FARS2: variants seen among roughly 807,000 people sequenced by gnomAD.
The protein encoded by FARS2 is phenylalanine--tRNA ligase, mitochondrial.
In FARS2, 40 loss-of-function variants were observed where a neutral mutation model predicts 46.4. The ratio of observed to expected loss-of-function variants is 0.86; its 90% CI spans 0.67 to 1.12. The LOEUF (loss-of-function observed/expected upper bound fraction) is 1.12. Ranked by LOEUF, FARS2 falls within the 50% of genes most tolerant of loss-of-function variation. FARS2 has a pLI of 0.00. For synonymous variants in FARS2, 234 were observed against 214.9 expected, an observed-to-expected ratio of 1.09 and a Z score of -0.78; for missense variants, 513 against 567.9, an observed-to-expected ratio of 0.90 and a Z score of 0.98.
At chr6:5,260,919 C>T (rs1296583889), upstream of FARS2, 1 of 1,365,110 alleles carries the variant, frequency 7.3e-7, no homozygotes, top group Non-Finnish European at 9.4e-7. Context: ...AGGCGTCCCG[C>T]GCCGCTTCGG....
chr6:5,631,616 G>A (rs1776297399), intron 6 of FARS2, among the ~76,000 whole-genome samples: 1 of 152,232 alleles, frequency 6.6e-6, no homozygotes, highest in Non-Finnish European at 1.5e-5. Context: ...GACTGGAATT[G>A]TCTGAGATCT....
intron 1 of FARS2, among the ~76,000 whole-genome samples, chr6:5,356,525 T>C (rs565080633): frequency 6.6e-6 from 1 of 152,106 alleles, no homozygotes; most frequent in African/African-American, 2.4e-5. Context: ...TGCTGTATAG[T>C]GTCTCTAAGT....
chr6:5,611,790 G>A (rs1052756856), intron 5 of FARS2, among the ~76,000 whole-genome samples: 14 of 152,136 alleles, frequency 9.2e-5, no homozygotes, highest in Admixed American at 2.6e-4. Context: ...TTGTTGACAC[G>A]TGTTTCATTG....
intron 1 of FARS2, among the ~76,000 whole-genome samples, chr6:5,287,429 T>C (rs1331925390): frequency 6.6e-6 from 1 of 152,160 alleles, no homozygotes; most frequent in Non-Finnish European, 1.5e-5. Context: ...CCGGCCGCAC[T>C]GTTTCCTCTT....
Position 5,447,171 on chromosome 6 carries a change from C to T in FARS2, c.904+15999C>T, listed in dbSNP as rs1244299579. On this transcript the variant is annotated intron_variant, in intron 4 of 6. Coordinates refer to ENST00000274680, the MANE Select transcript of FARS2 (RefSeq NM_006567.5). ...AGTGGAAGAAATGCAAGTTCAAAGA[C>T]AAGGAGAACAGGCGAATTGTCTAGG... Among the ~76,000 whole-genome samples the T allele has an allele frequency of 2.0e-5, 3 of 152,044 alleles. No individual in the cohort carries two copies. The East Asian group carries it at 5.8e-4, about 29-fold the overall frequency.
intron 5 of FARS2, among the ~76,000 whole-genome samples, chr6:5,554,480 C>T (rs1013140267): frequency 3.0e-4 from 45 of 152,162 alleles, no homozygotes; most frequent in Admixed American, 2.9e-3. Context: ...TCTATGGTAG[C>T]AAACATCAGC....
intron 6 of FARS2, among the ~76,000 whole-genome samples, chr6:5,759,794 G>A (rs1042119975): frequency 5.9e-5 from 9 of 152,172 alleles, no homozygotes; most frequent in African/African-American, 2.2e-4. Flanking sequence ...CACTGTCAGA[G>A]CATGGAATGG....
intron 1 of FARS2, among the ~76,000 whole-genome samples, chr6:5,304,385 A>G (rs1334032171): frequency 6.6e-6 from 1 of 152,244 alleles, no homozygotes; most frequent in African/African-American, 2.4e-5. Flanking sequence ...AGTTACTAAT[A>G]ACAGTTAAAG....
intron 2 of FARS2, among the ~76,000 whole-genome samples, chr6:5,388,529 G>A (rs939930874): frequency 3.9e-5 from 6 of 152,078 alleles, no homozygotes; most frequent in Non-Finnish European, 8.8e-5. Context: ...ATTTGCCCAT[G>A]ATTTTTAAGC....
chr6:5,446,388 T>A, intron 4 of FARS2, among the ~76,000 whole-genome samples: 1 of 152,120 alleles, frequency 6.6e-6, no homozygotes, highest in East Asian at 1.9e-4. Context: ...GCTCTCAAAA[T>A]CCATTATATG....
intron 1 of FARS2, among the ~76,000 whole-genome samples, chr6:5,324,564 C>G (rs906767355): frequency 6.1e-5 from 9 of 148,448 alleles, no homozygotes; most frequent in African/African-American, 2.2e-4. Context: ...ACTTATTGGT[C>G]TGCTTCTTGC....
chr6:5,714,751 G>C (rs753218449), intron 6 of FARS2, among the ~76,000 whole-genome samples: 5 of 152,078 alleles, frequency 3.3e-5, no homozygotes, highest in Non-Finnish European at 5.9e-5. Flanking sequence ...CCGGCCAGGC[G>C]CGGTGGCTCA....
chr6:5,266,950 T>A (rs1432534494), intron 1 of FARS2, among the ~76,000 whole-genome samples: 1 of 152,182 alleles, frequency 6.6e-6, no homozygotes, highest in Non-Finnish European at 1.5e-5. Flanking sequence ...AGACTCACAT[T>A]TCTGTAGAAG....
chr6:5,303,896 G>T (rs921371014), intron 1 of FARS2, among the ~76,000 whole-genome samples: 1 of 149,804 alleles, frequency 6.7e-6, no homozygotes, highest in Non-Finnish European at 1.5e-5. Flanking sequence ...TCATTTTTTG[G>T]CAATCATTGA....
rs186951270 is a variant in FARS2 at position 5,546,319 on chromosome 6, T to C, written c.1065+979T>C. Among the ~76,000 whole-genome samples, 445 of 149,884 alleles carry C rather than the reference T, an allele frequency of 3.0e-3. 1 individual carries two copies. The highest frequency in any genetic ancestry group is 3.8e-3 in the South Asian group (18 of 4,710). Reference sequence around the variant, plus strand: ...TCGCCTGGGCTGGAGTGCGCGATCTTGGCTCACTGCAACCTGCGCCTCCTG... The same window carrying C: ...TCGCCTGGGCTGGAGTGCGCGATCTCGGCTCACTGCAACCTGCGCCTCCTG... On this transcript the variant is annotated intron_variant, in intron 5 of 6. Coordinates refer to ENST00000274680, the MANE Select transcript of FARS2 (RefSeq NM_006567.5).
chr6:5,590,191 G>A lies in FARS2; in HGVS notation c.1066-22978G>A, dbSNP rs76225054. Among the ~76,000 whole-genome samples the A allele has an allele frequency of 4.6e-5, 7 of 152,354 alleles. No individual in the cohort carries two copies. In the East Asian group the frequency reaches 1.3e-3, roughly 29 times the overall value. ...GGACTGGATCTCAGTGCAGGCAAAT[G>A]TGATAGTGAAGAATGATGCATAGAT... On this transcript the variant is annotated intron_variant, in intron 5 of 6. Transcript: ENST00000274680.
chr6:5,582,979 C>T lies in FARS2; in HGVS notation c.1066-30190C>T, dbSNP rs1041332968. On this transcript the variant is annotated intron_variant, in intron 5 of 6. Coordinates refer to ENST00000274680, the MANE Select transcript of FARS2 (RefSeq NM_006567.5). ...TTTGAGTTGTATTAAAATGGGTTAG[C>T]CAAGGCCTAATGGGCTGTAAAAAAT... Among the ~76,000 whole-genome samples, 10 of 152,168 alleles carry T rather than the reference C, an allele frequency of 6.6e-5. 3 individuals carry two copies. The highest frequency in any genetic ancestry group is 6.5e-5 in the Admixed American group (1 of 15,288).
At chr6:5,314,044 T>C (rs78271737) in intron 1 of FARS2, among the ~76,000 whole-genome samples, 2 of 152,174 alleles carry the variant, frequency 1.3e-5, no homozygotes, top group Admixed American at 6.5e-5. Flanking sequence ...TTACGAATTA[T>C]ACTAAAGCAT....
At chr6:5,554,393 T>C (rs1468461703) in intron 5 of FARS2, among the ~76,000 whole-genome samples, 1 of 152,106 alleles carries the variant, frequency 6.6e-6, no homozygotes, top group Non-Finnish European at 1.5e-5. Context: ...GAGTCTTGTA[T>C]CAATTAGGTC....
Sources: gnomAD v4.1 joint callset for allele counts (sites outside exome capture counted in the v4.1 genomes callset) on GRCh38, gnomAD v4.1.1 for gene constraint, MANE v1.5 for transcripts, NCBI Gene and HGNC (gene_info 2026-07-23, HGNC 2026-07-21) for gene names.